Variants in PYHIN1 observed in about 807,000 individuals in gnomAD.
PYHIN1 encodes the protein pyrin and HIN domain family member 1.
PYHIN1 carries 32 observed loss-of-function variants against 43.7 expected under a neutral mutation model. The ratio of observed to expected loss-of-function variants is 0.73; its 90% confidence interval spans 0.55 to 0.98. The LOEUF (loss-of-function observed/expected upper bound fraction) is 0.98. PYHIN1 is among the 50% of genes least tolerant of loss of function. PYHIN1 has a pLI of 0.00. For missense variants in PYHIN1, 588 were observed against 589.5 expected, an observed-to-expected ratio of 1.00 and a Z score of 0.03; for synonymous variants, 205 against 203.1, an observed-to-expected ratio of 1.01 and a Z score of -0.08.
chr1:158,981,190 C>A (rs1378991697), downstream of PYHIN1, among the ~76,000 whole-genome samples: 1 of 152,130 alleles, frequency 6.6e-6, no homozygotes, highest in Non-Finnish European at 1.5e-5. Flanking sequence ...CATGTCATTA[C>A]TATTATGAAA....
At chr1:158,938,340 T>C (rs771055918) in intron 2 of PYHIN1, 57 bp from the exon 3 acceptor site, 26 of 1,587,826 alleles carry the variant, frequency 1.6e-5, no homozygotes, top group East Asian at 2.2e-5. Flanking sequence ...TGAAACTGCT[T>C]CGGGTGTCCC....
downstream of PYHIN1, among the ~76,000 whole-genome samples, chr1:158,981,542 A>G (rs1651486790): frequency 6.6e-6 from 1 of 152,192 alleles, no homozygotes; most frequent in African/African-American, 2.4e-5. Context: ...TAGTAGAACA[A>G]TTTATATTCC....
intron 7 of PYHIN1, among the ~76,000 whole-genome samples, chr1:158,973,225 A>G (rs1651038705): frequency 6.6e-6 from 1 of 152,076 alleles, no homozygotes; most frequent in African/African-American, 2.4e-5. Flanking sequence ...AGTTTGCTAT[A>G]TGTGACTGGA....
the PYHIN1 span, among the ~76,000 whole-genome samples, chr1:158,985,947 T>A: frequency 6.6e-6 from 1 of 152,234 alleles, no homozygotes; most frequent in African/African-American, 2.4e-5. Context: ...CAGCTTCTGC[T>A]GTTAGTACTT....
chr1:158,985,867 AT>A, the PYHIN1 span, among the ~76,000 whole-genome samples: 12 of 151,794 alleles, frequency 7.9e-5, no homozygotes, highest in African/African-American at 2.9e-4. Flanking sequence ...TTTTTCCTTT[AT>A]TTTTATCTGA....
intron 1 of PYHIN1, among the ~76,000 whole-genome samples, chr1:158,934,241 A>G (rs1190379507): frequency 6.6e-6 from 1 of 152,226 alleles, no homozygotes; most frequent in Non-Finnish European, 1.5e-5. Context: ...AAAACATATG[A>G]ATATTTGTGT....
intron 7 of PYHIN1, among the ~76,000 whole-genome samples, chr1:158,960,460 A>G (rs1260667714): frequency 6.6e-6 from 1 of 152,226 alleles, no homozygotes; most frequent in East Asian, 1.9e-4. Flanking sequence ...GAGCACAGCA[A>G]TCCCAGGAGG....
chr1:158,952,111 T>G (rs1221196412), intron 7 of PYHIN1, among the ~76,000 whole-genome samples: 1 of 145,000 alleles, frequency 6.9e-6, no homozygotes, highest in Non-Finnish European at 1.5e-5. Flanking sequence ...TGTGTCGGTT[T>G]TTTTTTTTTT....
chr1:158,968,804 T>C (rs74437162), intron 7 of PYHIN1, among the ~76,000 whole-genome samples: 8,082 of 148,890 alleles, frequency 0.054, 324 homozygotes, highest in Middle Eastern at 0.11. Context: ...CCAACATGAA[T>C]GGAGCTGGAT....
chr1:158,956,256 G>A (rs1408374211), intron 7 of PYHIN1, among the ~76,000 whole-genome samples: 1 of 151,822 alleles, frequency 6.6e-6, no homozygotes, highest in African/African-American at 2.4e-5. Flanking sequence ...CATTTTATGA[G>A]GTCAGCATCA....
At chr1:158,978,124 T>C (rs856129), downstream of PYHIN1, among the ~76,000 whole-genome samples, 139,410 of 151,936 alleles carry the variant, frequency 0.92, 65,180 homozygotes, top group East Asian at 1. Context: ...AGTTTTTTTT[T>C]CCTCTTGCCC....
At chr1:158,970,472 T>TATCAC (rs1356135356) in intron 7 of PYHIN1, among the ~76,000 whole-genome samples, 79 of 152,116 alleles carry the variant, frequency 5.2e-4, no homozygotes. Context: ...CAATGTCTAT[T>TATCAC]ATCACATCCC....
chr1:158,949,161 A>G (rs1235376013), intron 7 of PYHIN1, among the ~76,000 whole-genome samples: 1 of 152,126 alleles, frequency 6.6e-6, no homozygotes, highest in Admixed American at 6.5e-5. Flanking sequence ...GGGATAACCC[A>G]TCCCCCCATC....
Position 158,944,900 on chromosome 1 carries a change from G to C in PYHIN1, c.1217G>C (p.Ser406Thr). The C allele has an allele frequency of 6.3e-7, 1 of 1,593,468 alleles. No individual in the cohort carries two copies. The highest frequency in any genetic ancestry group is 8.5e-7 in the Non-Finnish European group (1 of 1,170,066). ...ATACAGAAAAATACAAACCAGAGAA[G>C]CCATGACTCCAGGAGCATGGCACTA... ...IQIQKNTNQR[S>T]HDSRSMALPQ... Residue 406 changes from serine (S) to threonine (T), a missense_variant, in exon 7 of 9, where the codon AGC becomes ACC. Ser to Thr is a moderately conservative substitution (Grantham distance 58). Coordinates refer to ENST00000368140, the MANE Select transcript of PYHIN1 (RefSeq NM_152501.5).
At chr1:158,936,761 G>A (rs754442465) in intron 1 of PYHIN1, 130 bp from the exon 2 acceptor site, 33 of 516,398 alleles carry the variant, frequency 6.4e-5, no homozygotes, top group Non-Finnish European at 1.0e-4. Flanking sequence ...AGAAAAACTG[G>A]AAGAATTCCC....
chr1:158,934,034 G>C (rs1179992548), intron 1 of PYHIN1, among the ~76,000 whole-genome samples: 1 of 152,082 alleles, frequency 6.6e-6, no homozygotes, highest in South Asian at 2.1e-4. Context: ...ACTTTGTTTA[G>C]ATTGAAATTC....
At chr1:158,984,028 G>GTTTTTTTTTTTTTTTTTTTTTTT in the PYHIN1 span, among the ~76,000 whole-genome samples, 2 of 111,208 alleles carry the variant, frequency 1.8e-5, no homozygotes, top group African/African-American at 7.1e-5. Flanking sequence ...ATCTTCTCCT[G>GTTTTTTTTTTTTTTTTTTTTTTT]TTTTTTTTTT....
downstream of PYHIN1, among the ~76,000 whole-genome samples, chr1:158,978,922 T>C (rs756856298): frequency 3.9e-5 from 6 of 152,134 alleles, no homozygotes; most frequent in Non-Finnish European, 7.4e-5. Flanking sequence ...AACTTTGAAA[T>C]GTGTGAACCA....
At chr1:158,963,684 C>A (rs151146224) in intron 7 of PYHIN1, among the ~76,000 whole-genome samples, 7 of 152,312 alleles carry the variant, frequency 4.6e-5, no homozygotes, top group East Asian at 1.9e-4. Context: ...CTAATATAGA[C>A]CCCTGTGTAA....
Sources: gnomAD v4.1 joint callset for allele counts (sites outside exome capture counted in the v4.1 genomes callset) on GRCh38, gnomAD v4.1.1 for gene constraint, MANE v1.5 for transcripts, NCBI Gene and HGNC (gene_info 2026-07-23, HGNC 2026-07-21) for gene names.